Variants in FECH observed in about 807,000 individuals in gnomAD.
The protein encoded by FECH is ferrochelatase, mitochondrial.
A neutral mutation model predicts 56.9 loss-of-function variants in FECH; 40 were observed. That is an observed-to-expected ratio of 0.70 (90% CI 0.55 to 0.92). The LOEUF is 0.92. FECH is among the 40% of genes least tolerant of loss of function. FECH has a pLI of 0.00. For synonymous variants in FECH, 175 were observed against 198.6 expected (o/e 0.88, Z 1.00); for missense variants, 431 against 529.1 (o/e 0.81, Z 1.82).
chr18:57,584,866 C>T (rs2051342665), intron 1 of FECH, among the ~76,000 whole-genome samples: 1 of 139,212 alleles, frequency 7.2e-6, no homozygotes, highest in East Asian at 2.1e-4. Flanking sequence ...GTTTGGGGGG[C>T]CAGGCACACT....
rs1311626097 is a variant in FECH at position 57,548,699 on chromosome 18, A to C, written c.*2013T>G. 1 of 152,244 alleles carries C rather than the reference A, an allele frequency of 6.6e-6. No homozygotes were observed. The highest frequency in any genetic ancestry group is 2.4e-5 in the African/African-American group (1 of 41,462). The allele number at this position is 152,244 out of a possible 1,614,324, so 9.4% of individuals were successfully genotyped here. A position where few individuals can be genotyped will look rare whatever the true frequency, so the allele number is the denominator to read the frequency against. On this transcript the variant is annotated 3_prime_UTR_variant, in exon 11 of 11. Transcript: ENST00000262093. ...AACACTTCTTACAGCAACAAATGCC[A>C]TGAGCAGTGATCTCAATAAATTCCT...
At chr18:57,552,619 C>CA (rs1413867141) in intron 9 of FECH, among the ~76,000 whole-genome samples, 2 of 152,106 alleles carry the variant, frequency 1.3e-5, no homozygotes, top group Non-Finnish European at 2.9e-5. Flanking sequence ...AGGCTGGACT[C>CA]AAACTCCTGA....
intron 2 of FECH, 129 bp from the exon 3 acceptor site, chr18:57,573,494 C>T (rs532494634): frequency 7.5e-6 from 8 of 1,062,110 alleles, no homozygotes; most frequent in Admixed American, 5.3e-5. Context: ...TTTTCACTGC[C>T]GTCACACAGA....
At chr18:57,560,831 T>C (rs977725304) in intron 6 of FECH, among the ~76,000 whole-genome samples, 3 of 152,336 alleles carry the variant, frequency 2.0e-5, no homozygotes, top group African/African-American at 2.4e-5. Flanking sequence ...GGTATTTTGA[T>C]ACATCAGTGG....
At chr18:57,558,503 AC>A (rs759048119) in intron 7 of FECH, among the ~76,000 whole-genome samples, 60 of 151,974 alleles carry the variant, frequency 3.9e-4, no homozygotes, top group Non-Finnish European at 7.5e-4. Context: ...CTGAATGGAG[AC>A]CCCCCCACTC....
chr18:57,569,404 T>C (rs1464273430), intron 4 of FECH, among the ~76,000 whole-genome samples: 9 of 152,248 alleles, frequency 5.9e-5, no homozygotes, highest in Admixed American at 5.9e-4. Context: ...AACATGTTTA[T>C]CTGTTTGCAA....
intron 3 of FECH, 100 bp downstream of exon 3, chr18:57,573,142 CCAGA>C: frequency 8.8e-7 from 1 of 1,135,082 alleles, no homozygotes; most frequent in Non-Finnish European, 1.3e-6. Context: ...TTAACCATTA[CCAGA>C]TACGCATTAA....
intron 7 of FECH, among the ~76,000 whole-genome samples, chr18:57,557,134 C>G (rs936946260): frequency 1.3e-5 from 2 of 151,986 alleles, no homozygotes; most frequent in Non-Finnish European, 2.9e-5. Context: ...GGTTTCTCAG[C>G]GTTGGTAACT....
intron 4 of FECH, among the ~76,000 whole-genome samples, chr18:57,569,639 G>A (rs925122001): frequency 6.6e-6 from 1 of 152,058 alleles, no homozygotes; most frequent in African/African-American, 2.4e-5. Flanking sequence ...CTCTACCAGG[G>A]CTTTAACTCC....
rs1270069816 is a variant in FECH at position 57,554,353 on chromosome 18, C to A, written c.984G>T (p.Lys328Asn). The A allele has an allele frequency of 1.2e-6, 2 of 1,614,074 alleles. No homozygotes were observed. The highest frequency in any genetic ancestry group is 1.7e-6 in the Non-Finnish European group (2 of 1,180,036). ...ATGCTATCGGAACCAAGAGGATATT[C>A]TTCCTCCCCCTCTCACAAAGCCCTT... Reference protein sequence around the residue: ...SIKGLCERGRKNILLVPIAFT... With the variant: ...SIKGLCERGRNNILLVPIAFT... Residue 328 changes from lysine to asparagine, a missense_variant, in exon 9 of 11, where the codon AAG becomes AAT. Transcript: ENST00000262093.
intron 6 of FECH, 121 bp from the exon 7 acceptor site, chr18:57,559,364 ACT>A (rs1241215572): frequency 2.8e-6 from 2 of 713,396 alleles, no homozygotes; most frequent in South Asian, 1.5e-5. Context: ...AAAAATCCGA[ACT>A]CTCTTTTTTA....
At chr18:57,559,264 G>C in intron 6 of FECH, 21 bp from the exon 7 acceptor site, 2 of 1,453,060 alleles carry the variant, frequency 1.4e-6, no homozygotes, top group Non-Finnish European at 1.9e-6. Context: ...AACAAGAAAG[G>C]AGGATAAAGA....
intron 7 of FECH, among the ~76,000 whole-genome samples, chr18:57,557,465 G>A (rs2050883257): frequency 6.6e-6 from 1 of 152,126 alleles, no homozygotes; most frequent in South Asian, 2.1e-4. Context: ...AGGAAGTGAG[G>A]CCACGGTCAG....
intron 2 of FECH, among the ~76,000 whole-genome samples, chr18:57,577,188 C>G (rs937984164): frequency 3.9e-5 from 6 of 152,156 alleles, no homozygotes; most frequent in African/African-American, 1.4e-4. Context: ...GTCTATGATG[C>G]CTCTAGAACA....
At chr18:57,556,341 A>G (rs902124447) in intron 7 of FECH, among the ~76,000 whole-genome samples, 5 of 152,166 alleles carry the variant, frequency 3.3e-5, no homozygotes, top group African/African-American at 1.2e-4. Flanking sequence ...TATCTCCTCC[A>G]AGATATTTTT....
intron 5 of FECH, among the ~76,000 whole-genome samples, chr18:57,563,260 C>T (rs2050969582): frequency 6.6e-6 from 1 of 152,128 alleles, no homozygotes; most frequent in African/African-American, 2.4e-5. Flanking sequence ...TATAAGCAGT[C>T]ATATTTACAG....
At chr18:57,582,561 G>A (rs2051297779) in intron 1 of FECH, among the ~76,000 whole-genome samples, 1 of 151,644 alleles carries the variant, frequency 6.6e-6, no homozygotes. Context: ...CCAGACATTT[G>A]GGGGCAGCCT....
At position 57,554,412 on chromosome 18, in the gene FECH, G is replaced by A; in HGVS notation, c.925C>T (p.Pro309Ser). 5 of 1,614,126 alleles carry A rather than the reference G, an allele frequency of 3.1e-6. No homozygotes were observed. Among genetic ancestry groups the A allele is most frequent in the Non-Finnish European group, 4.2e-6 (5 of 1,180,004 alleles). Residue 309 changes from proline (P) to serine (S), a missense_variant, in exon 9 of 11, where the codon CCC (proline) becomes TCC (serine). Physicochemically the swap from Pro to Ser is moderately conservative, Grantham distance 74. Coordinates refer to ENST00000262093, the MANE Select transcript of FECH (RefSeq NM_000140.5). ...LVWQSKVGPM[P>S]WLGPQTDESI... ...TCGTCTGTTTGAGGACCCAACCAGG[G>A]CATTGGACCAACCTATGCGAAAGAT...
At chr18:57,586,464 G>A (rs1293229237) in intron 1 of FECH, 90 bp downstream of exon 1, 3 of 1,376,324 alleles carry the variant, frequency 2.2e-6, no homozygotes, top group East Asian at 2.8e-5. Context: ...CGAATCCCCC[G>A]GGCGCGAGGG....
Sources: gnomAD v4.1 joint callset for allele counts (sites outside exome capture counted in the v4.1 genomes callset) on GRCh38, gnomAD v4.1.1 for gene constraint, MANE v1.5 for transcripts, NCBI Gene and HGNC (gene_info 2026-07-23, HGNC 2026-07-21) for gene names.